Variants in SHISA9 observed in about 807,000 individuals in gnomAD.
SHISA9 encodes the protein protein shisa-9.
SHISA9 carries 13 observed loss-of-function variants against 38.0 expected under a neutral mutation model. The observed-to-expected ratio is 0.34, with a 90% CI of 0.22 to 0.54. The LOEUF (loss-of-function observed/expected upper bound fraction) is 0.54, where lower values mean the gene tolerates loss of function less well. Ranked by LOEUF, SHISA9 falls within the 20% of genes least tolerant of loss-of-function variation. The probability of loss-of-function intolerance (pLI) is 0.91; values close to 1 mark genes in which losing one functional copy is unlikely to be tolerated. For synonymous variants in SHISA9, 275 were observed against 242.0 expected (o/e 1.14, Z -1.27); for missense variants, 538 against 575.8 (o/e 0.93, Z 0.67).
Position 13,186,390 on chromosome 16 carries a change from T to G in SHISA9, c.692-17004T>G, listed in dbSNP as rs181172417. On this transcript the variant is annotated intron_variant, in intron 2 of 4. Transcript: ENST00000558583. ...TCGGCTCACTGCAACCTCTGCCTACTGGGTTCAAGCAATTCTCCTGCCTCA... is the reference window on the plus strand; with the variant it reads ...TCGGCTCACTGCAACCTCTGCCTACGGGGTTCAAGCAATTCTCCTGCCTCA... Among the ~76,000 whole-genome samples the G allele has an allele frequency of 1.7e-3, 245 of 144,846 alleles. 2 individuals carry two copies. Among genetic ancestry groups the G allele is most frequent in the African/African-American group, 6.0e-3 (234 of 39,144 alleles).
the SHISA9 span, among the ~76,000 whole-genome samples, chr16:13,523,961 C>T: frequency 6.6e-6 from 1 of 152,182 alleles, no homozygotes; most frequent in Non-Finnish European, 1.5e-5. Flanking sequence ...CTATTATTAT[C>T]ACCCTGATTT....
the SHISA9 span, among the ~76,000 whole-genome samples, chr16:13,284,657 G>C: frequency 6.6e-6 from 1 of 152,200 alleles, no homozygotes. Context: ...GAATGCAGCA[G>C]TGCAATCTCA....
intron 2 of SHISA9, among the ~76,000 whole-genome samples, chr16:13,199,930 T>C (rs1054767679): frequency 2.8e-4 from 43 of 152,178 alleles, no homozygotes; most frequent in African/African-American, 9.7e-4. Flanking sequence ...CGAGGGTATC[T>C]CTGGCCACTG....
At chr16:13,009,831 G>T (rs141348805) in intron 2 of SHISA9, among the ~76,000 whole-genome samples, 2 of 152,282 alleles carry the variant, frequency 1.3e-5, no homozygotes, top group South Asian at 2.1e-4. Flanking sequence ...GCTACAGCCC[G>T]TCATGGCCTG....
intron 2 of SHISA9, among the ~76,000 whole-genome samples, chr16:13,083,483 G>A (rs549157477): frequency 2.0e-5 from 3 of 152,324 alleles, no homozygotes; most frequent in Non-Finnish European, 2.9e-5. Flanking sequence ...TTCCAGAGAA[G>A]GGTAGTGAGG....
At chr16:13,383,225 G>C in the SHISA9 span, among the ~76,000 whole-genome samples, 1 of 152,184 alleles carries the variant, frequency 6.6e-6, no homozygotes, top group Admixed American at 6.5e-5. Flanking sequence ...TTTCTCATCA[G>C]GGAAGACTGG....
chr16:12,940,290 T>C (rs12596449), intron 2 of SHISA9, among the ~76,000 whole-genome samples: 40,645 of 152,130 alleles, frequency 0.27, 5,780 homozygotes, highest in Admixed American at 0.37. Flanking sequence ...TTCTCTATAC[T>C]ATAATTCCAA....
At chr16:12,954,240 A>G (rs991982349) in intron 2 of SHISA9, among the ~76,000 whole-genome samples, 3 of 152,228 alleles carry the variant, frequency 2.0e-5, no homozygotes, top group Non-Finnish European at 2.9e-5. Context: ...TGGTGTGCCC[A>G]GGGAAGTAGA....
intron 2 of SHISA9, among the ~76,000 whole-genome samples, chr16:12,935,792 T>A (rs1375510691): frequency 6.9e-6 from 1 of 145,598 alleles, no homozygotes; most frequent in African/African-American, 2.6e-5. Flanking sequence ...GAGGCTGCAG[T>A]AAGCAGAGAT....
At chr16:13,183,905 T>G (rs1273500934) in intron 2 of SHISA9, among the ~76,000 whole-genome samples, 1 of 152,208 alleles carries the variant, frequency 6.6e-6, no homozygotes, top group Admixed American at 6.5e-5. Flanking sequence ...TTGTGGTTCC[T>G]TGTTGACTCT....
the SHISA9 span, among the ~76,000 whole-genome samples, chr16:13,500,071 T>C: frequency 3.9e-5 from 6 of 152,158 alleles, no homozygotes; most frequent in Admixed American, 2.0e-4. Context: ...TCATCTTGAA[T>C]TGTAATCCTC....
chr16:13,395,910 G>A, the SHISA9 span, among the ~76,000 whole-genome samples: 3 of 152,164 alleles, frequency 2.0e-5, no homozygotes, highest in Admixed American at 6.5e-5. Flanking sequence ...TTTAGGTAAC[G>A]TGTTCAGGGT....
At chr16:13,190,583 A>AG (rs2050875144) in intron 2 of SHISA9, among the ~76,000 whole-genome samples, 1 of 152,090 alleles carries the variant, frequency 6.6e-6, no homozygotes, top group Non-Finnish European at 1.5e-5. Context: ...CTTGCGCGGG[A>AG]ACCTCTGTTT....
intron 2 of SHISA9, among the ~76,000 whole-genome samples, chr16:12,997,551 G>T (rs1458519853): frequency 6.6e-6 from 1 of 151,488 alleles, no homozygotes; most frequent in Non-Finnish European, 1.5e-5. Context: ...AGATTACAGG[G>T]ACCCACCATC....
the SHISA9 span, among the ~76,000 whole-genome samples, chr16:13,460,460 T>C: frequency 6.6e-6 from 1 of 152,180 alleles, no homozygotes; most frequent in Non-Finnish European, 1.5e-5. Flanking sequence ...GATCAGAAGT[T>C]ATGTGAGTTG....
chr16:13,425,023 TAAAAA>T, the SHISA9 span, among the ~76,000 whole-genome samples: 1 of 152,132 alleles, frequency 6.6e-6, no homozygotes, highest in Non-Finnish European at 1.5e-5. Context: ...TACACAGCCA[TAAAAA>T]GAATGATATC....
intron 1 of SHISA9, chr16:12,902,829 C>T (rs995383490): frequency 5.0e-6 from 3 of 601,034 alleles, no homozygotes; most frequent in Non-Finnish European, 8.7e-6. Flanking sequence ...TGGGTCTGAG[C>T]GTGTTCGTGT....
chr16:13,451,561 G>T, the SHISA9 span, among the ~76,000 whole-genome samples: 10 of 152,202 alleles, frequency 6.6e-5, no homozygotes, highest in Admixed American at 6.5e-4. Flanking sequence ...ATCATGAAAA[G>T]TGGCCTTCAA....
At chr16:13,442,914 GA>G in the SHISA9 span, among the ~76,000 whole-genome samples, 176 of 152,268 alleles carry the variant, frequency 1.2e-3, no homozygotes, top group Non-Finnish European at 2.3e-3. Context: ...ATAGTTAAAA[GA>G]AAACAAGCTG....
Sources: gnomAD v4.1 joint callset for allele counts (sites outside exome capture counted in the v4.1 genomes callset) on GRCh38, gnomAD v4.1.1 for gene constraint, MANE v1.5 for transcripts, NCBI Gene and HGNC (gene_info 2026-07-23, HGNC 2026-07-21) for gene names.